The following NEXN variants were observed in gnomAD, a reference collection of about 807,000 sequenced individuals.
The protein encoded by NEXN is nexilin.
NEXN carries 65 observed loss-of-function variants against 92.6 expected under a neutral mutation model. The observed-to-expected ratio is 0.70, with a 90% CI of 0.57 to 0.86. NEXN has a LOEUF of 0.86. NEXN is among the 40% of genes least tolerant of loss of function. The pLI, the probability that NEXN is intolerant of heterozygous loss-of-function variation, is 0.00. For missense variants in NEXN, 778 were observed against 771.1 expected, an observed-to-expected ratio of 1.01 and a Z score of -0.11; for synonymous variants, 254 against 242.5, an observed-to-expected ratio of 1.05 and a Z score of -0.44.
rs980565168 is a variant in NEXN, at chr1:77,929,381, C to A, written c.930C>A (p.Leu310=). 6.2e-7 allele frequency: 1 copy of A among 1,613,608 alleles called. No individual in the cohort carries two copies. The highest frequency in any genetic ancestry group is 8.5e-7 in the Non-Finnish European group (1 of 1,179,912). The change falls in exon 9 of 13, where the codon CTC becomes CTA. Residue 310 remains leucine (L), a synonymous_variant. Transcript: ENST00000334785. ...KIFKGYRPGK[L]KLSFEEMERQ... ...TTAAAGGGTACCGCCCTGGTAAACT[C>A]AAACTCAGTTTTGAAGAAATGGAAA...
At chr1:77,898,547 G>C (rs1157908547) in intron 1 of NEXN, among the ~76,000 whole-genome samples, 1 of 152,070 alleles carries the variant, frequency 6.6e-6, no homozygotes, top group Non-Finnish European at 1.5e-5. Context: ...AGACCTAAAA[G>C]CATAAAAACC....
chr1:77,943,414 GTCTT>G lies in NEXN; in HGVS notation c.*589_*592del, dbSNP rs1437743791. 1 of 163,640 alleles carries G rather than the reference GTCTT, an allele frequency of 6.1e-6. No homozygotes were observed. Among genetic ancestry groups the G allele is most frequent in the Admixed American group, 5.9e-5 (1 of 16,896 alleles). 10.1% of individuals were successfully genotyped at this position (163,640 alleles called of 1,614,324 possible). The stretch of plus-strand genomic sequence containing the variant: ...CCATTTTGGTTGTTGTAGTTTCAAA[GTCTT>G]TCTGAAGCAGATATATTGGGATTGG... On this transcript the variant is annotated 3_prime_UTR_variant, in exon 13 of 13. Coordinates refer to ENST00000334785, the MANE Select transcript of NEXN (RefSeq NM_144573.4).
intron 10 of NEXN, among the ~76,000 whole-genome samples, chr1:77,934,027 T>TTTTTTTTA (rs1650535247): frequency 6.7e-6 from 1 of 149,152 alleles, no homozygotes. Flanking sequence ...TTTTTTTTTT[T>TTTTTTTTA]GAGATGGAGT....
At chr1:77,899,784 G>C (rs1045089244) in intron 1 of NEXN, among the ~76,000 whole-genome samples, 7 of 152,078 alleles carry the variant, frequency 4.6e-5, no homozygotes, top group African/African-American at 7.2e-5. Flanking sequence ...CAAAGTAGGA[G>C]CGTAAGAAAT....
At chr1:77,910,337 C>T (rs1453741059) in intron 1 of NEXN, among the ~76,000 whole-genome samples, 3 of 151,958 alleles carry the variant, frequency 2.0e-5, no homozygotes, top group Admixed American at 2.0e-4. Flanking sequence ...TACAGTAAAG[C>T]CAGAAAAAGA....
At chr1:77,891,464 T>C (rs1647103245) in intron 1 of NEXN, among the ~76,000 whole-genome samples, 1 of 152,082 alleles carries the variant, frequency 6.6e-6, no homozygotes, top group Admixed American at 6.6e-5. Flanking sequence ...CTTTATTTCC[T>C]TCTTGACATC....
At position 77,942,185 on chromosome 1, in the gene NEXN, G is replaced by C. The variant is rs766276540; in HGVS notation, c.1636G>C (p.Glu546Gln). The change falls in exon 12 of 13, where the codon GAA (glutamate) becomes CAA (glutamine). Residue 546 changes from glutamate to glutamine, a missense_variant. Glu to Gln is a conservative substitution (Grantham distance 29, BLOSUM62 2). Transcript: ENST00000334785. Reference protein sequence around the residue: ...KLLRMQFEQREIDAALQKKRE... With the variant: ...KLLRMQFEQRQIDAALQKKRE... ...ACTACGCATGCAGTTTGAACAAAGG[G>C]AAATTGATGCAGCACTACAAAAGGT... 7 of 1,613,732 alleles carry C rather than the reference G, an allele frequency of 4.3e-6. No individual in the cohort carries two copies. In the South Asian group the frequency reaches 6.6e-5, roughly 15 times the overall value.
intron 1 of NEXN, among the ~76,000 whole-genome samples, chr1:77,908,708 C>T (rs565933531): frequency 1.3e-5 from 2 of 152,204 alleles, no homozygotes; most frequent in South Asian, 2.1e-4. Context: ...GTAAGTAATA[C>T]ATTATATATG....
chr1:77,919,099 T>A (rs1307110364), intron 5 of NEXN, among the ~76,000 whole-genome samples: 2 of 152,132 alleles, frequency 1.3e-5, no homozygotes, highest in Non-Finnish European at 2.9e-5. Context: ...ACTTCTTACG[T>A]AGCGGTGGCA....
intron 5 of NEXN, among the ~76,000 whole-genome samples, chr1:77,920,150 C>T (rs1649308254): frequency 6.6e-6 from 1 of 152,122 alleles, no homozygotes; most frequent in South Asian, 2.1e-4. Context: ...ATCTGCCCAC[C>T]TCGGCCTCCC....
chr1:77,934,996 A>G (rs754395625), intron 10 of NEXN, among the ~76,000 whole-genome samples: 1 of 152,250 alleles, frequency 6.6e-6, no homozygotes, highest in African/African-American at 2.4e-5. Context: ...TACAGTGGGT[A>G]AGTAACTGGG....
Position 77,918,160 on chromosome 1 carries a change from C to T in NEXN, c.334C>T (p.Gln112Ter). Reference sequence around the variant, plus strand: ...GGGTAGATTTGCTGAAATGGAGAAACAAAGACAAGAGGAACAAAGGAAGAG... The same window carrying T: ...GGGTAGATTTGCTGAAATGGAGAAATAAAGACAAGAGGAACAAAGGAAGAG... ...VKGRFAEMEKQRQEEQRKRTE... is the reference protein window; with the variant it reads ...VKGRFAEMEK Residue 112 changes from glutamine to a stop codon, truncating the protein, a stop_gained, in exon 5 of 13, where the codon CAA (glutamine) becomes TAA (stop). Transcript: ENST00000334785. LOFTEE classifies it high-confidence loss of function. The T allele has an allele frequency of 1.2e-6, 2 of 1,613,394 alleles. No individual in the cohort carries two copies. Among genetic ancestry groups the T allele is most frequent in the Non-Finnish European group, 1.7e-6 (2 of 1,179,832 alleles).
intron 1 of NEXN, among the ~76,000 whole-genome samples, chr1:77,914,165 C>G (rs1234512339): frequency 2.0e-5 from 3 of 152,124 alleles, no homozygotes; most frequent in African/African-American, 7.2e-5. Flanking sequence ...GGACACATGT[C>G]ATTGTACATT....
chr1:77,932,602 C>A (rs754788178), intron 9 of NEXN, among the ~76,000 whole-genome samples: 2 of 152,092 alleles, frequency 1.3e-5, no homozygotes, highest in Admixed American at 6.5e-5. Flanking sequence ...TAATTACCAA[C>A]CTGGGGAGTC....
At position 77,921,691 on chromosome 1, in the gene NEXN, C is replaced by T. The variant is rs151282464; in HGVS notation, c.447+3418C>T. On this transcript the variant is annotated intron_variant, in intron 5 of 12. Coordinates refer to ENST00000334785, the MANE Select transcript of NEXN (RefSeq NM_144573.4). ...TTGGGAGACCGAGGCAGGTGGACTG[C>T]TTGAGCTCAGGAGCTCAAGGCCAGC... Among the ~76,000 whole-genome samples, 177 of 152,266 alleles carry T rather than the reference C, an allele frequency of 1.2e-3. 1 individual carries two copies. The highest frequency in any genetic ancestry group is 2.5e-3 in the Admixed American group (38 of 15,300).
Position 77,942,877 on chromosome 1 carries a change from ACTTTT to A in NEXN, c.*52_*56del. 6.5e-7 allele frequency: 1 copy of A among 1,543,904 alleles called. No homozygotes were observed. The highest frequency in any genetic ancestry group is 1.2e-5 in the South Asian group (1 of 84,670). On this transcript the variant is annotated 3_prime_UTR_variant, in exon 13 of 13. Coordinates refer to ENST00000334785, the MANE Select transcript of NEXN (RefSeq NM_144573.4). Reference sequence around the variant, plus strand: ...TATTAATTTTTTTTTCCTTAAAATCACTTTTCTTCTTCTCTTTTTTAGCTGATGAC... The same window carrying A: ...TATTAATTTTTTTTTCCTTAAAATCACTTCTTCTCTTTTTTAGCTGATGAC...
In NEXN at chr1:77,935,970, AT is replaced by A; in HGVS notation, c.1400del (p.Ile467LysfsTer45). On this transcript the variant is annotated frameshift_variant, in exon 11 of 13. Transcript: ENST00000334785. LOFTEE classifies it high-confidence loss of function. ...GTCTGAAAAAGAAATACAGAAAAAA[AT>A]AGAAGAAGAGCGAGCAAGAAGGAGA... ...QLSEKEIQKK[I>X]EEERARRRAI... 6.2e-7 allele frequency: 1 copy of A among 1,614,060 alleles called. No individual in the cohort carries two copies.
intron 1 of NEXN, among the ~76,000 whole-genome samples, chr1:77,913,037 A>T (rs772882993): frequency 6.6e-6 from 1 of 152,264 alleles, no homozygotes; most frequent in Non-Finnish European, 1.5e-5. Flanking sequence ...TTTGCAAGTG[A>T]CATATCAGAT....
chr1:77,894,869 CCAT>C (rs1647190862), intron 1 of NEXN, among the ~76,000 whole-genome samples: 1 of 151,666 alleles, frequency 6.6e-6, no homozygotes, highest in African/African-American at 2.4e-5. Flanking sequence ...GCGCACACCA[CCAT>C]GCCTGGCTAA....
Sources: allele counts gnomAD v4.1 joint callset (sites outside exome capture counted in the v4.1 genomes callset), GRCh38; gene constraint gnomAD v4.1.1; transcripts MANE v1.5; gene names NCBI Gene and HGNC (gene_info 2026-07-23, HGNC 2026-07-21).